Variants in SDK1 observed in about 807,000 individuals in gnomAD.
SDK1 encodes the protein protein sidekick-1.
SDK1 carries 157 observed loss-of-function variants against 245.5 expected under a neutral mutation model. That is an observed-to-expected ratio of 0.64 (90% confidence interval 0.56 to 0.73). The LOEUF (loss-of-function observed/expected upper bound fraction) is 0.73. Ranked by LOEUF, SDK1 falls within the 30% of genes least tolerant of loss-of-function variation. The pLI is 0.00. For missense variants in SDK1, 3,583 were observed against 3,002.3 expected, an observed-to-expected ratio of 1.19 and a Z score of -4.52; for synonymous variants, 1,647 against 1,278.5, an observed-to-expected ratio of 1.29 and a Z score of -6.15.
chr7:3,490,224 A>C (rs1237204684), intron 1 of SDK1, among the ~76,000 whole-genome samples: 1 of 152,232 alleles, frequency 6.6e-6, no homozygotes, highest in Non-Finnish European at 1.5e-5. Flanking sequence ...TGTAATGTGA[A>C]TGATGGATTA....
intron 1 of SDK1, among the ~76,000 whole-genome samples, chr7:3,497,993 T>A (rs889412746): frequency 4.6e-5 from 7 of 152,220 alleles, no homozygotes; most frequent in African/African-American, 1.7e-4. Flanking sequence ...TTATGCAGTT[T>A]GACAGTTCAG....
At chr7:3,667,455 T>C (rs973058664) in intron 4 of SDK1, among the ~76,000 whole-genome samples, 1 of 152,236 alleles carries the variant, frequency 6.6e-6, no homozygotes, top group African/African-American at 2.4e-5. Context: ...TTCACCCTCA[T>C]GCTTAAGATT....
intron 1 of SDK1, among the ~76,000 whole-genome samples, chr7:3,512,461 C>T (rs1782612039): frequency 6.6e-6 from 1 of 152,138 alleles, no homozygotes; most frequent in South Asian, 2.1e-4. Context: ...AATAAGTTTT[C>T]CATTTCTTTG....
chr7:4,224,047 C>T (rs1299384654), intron 40 of SDK1, among the ~76,000 whole-genome samples: 3 of 152,132 alleles, frequency 2.0e-5, no homozygotes, highest in African/African-American at 2.4e-5. Flanking sequence ...GGAACCACGT[C>T]GCTAAACAAG....
chr7:3,577,414 C>T (rs1021866711), intron 1 of SDK1, among the ~76,000 whole-genome samples: 1 of 152,020 alleles, frequency 6.6e-6, no homozygotes, highest in Non-Finnish European at 1.5e-5. Flanking sequence ...TCTGACCATG[C>T]AGGTCTTCAC....
chr7:3,943,285 C>G (rs1016199079), intron 5 of SDK1, among the ~76,000 whole-genome samples: 2 of 149,966 alleles, frequency 1.3e-5, no homozygotes, highest in African/African-American at 4.9e-5. Flanking sequence ...GCAGGATGTT[C>G]CCTCTGAGCT....
At chr7:4,249,183 A>G (rs1332831052) in intron 44 of SDK1, among the ~76,000 whole-genome samples, 1 of 152,202 alleles carries the variant, frequency 6.6e-6, no homozygotes, top group Non-Finnish European at 1.5e-5. Flanking sequence ...AATTCTGCAC[A>G]GAGGGTGTTA....
chr7:3,633,274 C>T (rs752129414), intron 2 of SDK1, among the ~76,000 whole-genome samples: 2 of 152,112 alleles, frequency 1.3e-5, no homozygotes, highest in Non-Finnish European at 2.9e-5. Flanking sequence ...AAAAATCTTA[C>T]ATCTAATTTT....
At chr7:3,901,645 C>G (rs188799821) in intron 5 of SDK1, among the ~76,000 whole-genome samples, 2 of 152,308 alleles carry the variant, frequency 1.3e-5, no homozygotes, top group Non-Finnish European at 2.9e-5. Context: ...TATCAATAAT[C>G]TGTGTGGTAA....
At chr7:3,788,333 G>C (rs2115020094) in intron 4 of SDK1, among the ~76,000 whole-genome samples, 1 of 152,256 alleles carries the variant, frequency 6.6e-6, no homozygotes, top group South Asian at 2.1e-4. Flanking sequence ...TGCGGTCAGT[G>C]TGTGAAACTC....
At chr7:3,312,009 G>C (rs1044651470) in intron 1 of SDK1, among the ~76,000 whole-genome samples, 1 of 152,144 alleles carries the variant, frequency 6.6e-6, no homozygotes, top group Non-Finnish European at 1.5e-5. Flanking sequence ...ACCTTGAAGG[G>C]CTTTTCCATC....
At chr7:3,945,565 G>A (rs1392083790) in intron 5 of SDK1, among the ~76,000 whole-genome samples, 2 of 151,270 alleles carry the variant, frequency 1.3e-5, no homozygotes, top group African/African-American at 4.9e-5. Flanking sequence ...GTCACAATAT[G>A]GTTACTGAAA....
At chr7:4,209,975 G>T (rs746455811) in intron 37 of SDK1, 50 bp from the exon 38 acceptor site, 32 of 1,453,024 alleles carry the variant, frequency 2.2e-5, no homozygotes, top group Non-Finnish European at 2.8e-5. Context: ...GTATGTATAT[G>T]ATCTATGTAG....
intron 5 of SDK1, among the ~76,000 whole-genome samples, chr7:3,934,778 G>T (rs1780098074): frequency 6.6e-6 from 1 of 152,210 alleles, no homozygotes; most frequent in Admixed American, 6.5e-5. Context: ...GCTCAACAAA[G>T]ATGTACGTGC....
rs142314621 is a variant in SDK1, at chr7:3,987,617, G to C, written c.2131+295G>C. 3.5e-4 allele frequency among the ~76,000 whole-genome samples: 54 copies of C among 152,272 alleles called. 1 individual carries two copies. In the East Asian group the frequency reaches 7.7e-3, roughly 22 times the overall value. On this transcript the variant is annotated intron_variant, in intron 14 of 44. Coordinates refer to ENST00000404826, the MANE Select transcript of SDK1 (RefSeq NM_152744.4). ...CCGCACAGTGTCACTCCCAGGGCGA[G>C]CTGGAAATGGGTTAACAATGCCTGC...
intron 4 of SDK1, among the ~76,000 whole-genome samples, chr7:3,751,256 A>T (rs1354671712): frequency 6.6e-6 from 1 of 152,168 alleles, no homozygotes; most frequent in Non-Finnish European, 1.5e-5. Context: ...AGGTCTGATG[A>T]TCCTTCTCAA....
intron 1 of SDK1, among the ~76,000 whole-genome samples, chr7:3,537,694 T>C (rs912103153): frequency 2.0e-5 from 3 of 152,184 alleles, no homozygotes; most frequent in African/African-American, 7.2e-5. Context: ...TGTGGGATGA[T>C]CTGTCTGTGC....
chr7:3,794,686 C>G (rs965610963), intron 4 of SDK1, among the ~76,000 whole-genome samples: 5 of 152,148 alleles, frequency 3.3e-5, no homozygotes, highest in South Asian at 4.1e-4. Flanking sequence ...CAGATATAGT[C>G]CCTCGACCTT....
chr7:3,345,657 A>G (rs995723533), intron 1 of SDK1, among the ~76,000 whole-genome samples: 7 of 152,172 alleles, frequency 4.6e-5, no homozygotes, highest in African/African-American at 1.2e-4. Context: ...AAATTCCAGG[A>G]TGGTGGCACG....
Sources: gnomAD v4.1 joint callset for allele counts (sites outside exome capture counted in the v4.1 genomes callset) on GRCh38, gnomAD v4.1.1 for gene constraint, MANE v1.5 for transcripts, NCBI Gene and HGNC (gene_info 2026-07-23, HGNC 2026-07-21) for gene names.